The following AGPS variants were observed in gnomAD, a reference collection of about 807,000 sequenced individuals.
AGPS encodes the protein alkylglycerone phosphate synthase.
A neutral mutation model predicts 90.7 loss-of-function variants in AGPS; 26 were observed. The observed-to-expected ratio is 0.29, with a 90% CI of 0.21 to 0.40. The LOEUF is 0.40. Among genes scored for constraint, AGPS ranks in the 10% least tolerant of loss-of-function variants. The pLI is 1.00. For synonymous variants in AGPS, 294 were observed against 285.3 expected (o/e 1.03, Z -0.31); for missense variants, 540 against 816.1 (o/e 0.66, Z 4.12).
chr2:177,487,998 G>T (rs2105699963), intron 11 of AGPS, among the ~76,000 whole-genome samples: 1 of 152,134 alleles, frequency 6.6e-6, no homozygotes, highest in East Asian at 1.9e-4. Flanking sequence ...AAAATAAAAA[G>T]TTCTTATTGT....
chr2:177,451,233 G>A (rs901836475), intron 8 of AGPS, among the ~76,000 whole-genome samples: 6 of 151,886 alleles, frequency 4.0e-5, no homozygotes, highest in African/African-American at 9.7e-5. Flanking sequence ...TGGGATTATC[G>A]GTATGAGCCA....
intron 17 of AGPS, among the ~76,000 whole-genome samples, chr2:177,518,669 G>GC (rs1689093764): frequency 1.0e-5 from 1 of 99,528 alleles, no homozygotes; most frequent in Non-Finnish European, 1.9e-5. Context: ...TTTTCTGCCC[G>GC]CCCCCCACCC....
At chr2:177,430,760 A>G (rs1222708352) in intron 2 of AGPS, among the ~76,000 whole-genome samples, 1 of 152,102 alleles carries the variant, frequency 6.6e-6, no homozygotes, top group Admixed American at 6.5e-5. Flanking sequence ...ATTCTTCTCC[A>G]TGACAGCTGC....
At chr2:177,450,203 G>C (rs1173368978) in intron 8 of AGPS, among the ~76,000 whole-genome samples, 1 of 151,994 alleles carries the variant, frequency 6.6e-6, no homozygotes, top group Non-Finnish European at 1.5e-5. Context: ...TATTTATTCT[G>C]GGAATAAGTC....
intron 8 of AGPS, among the ~76,000 whole-genome samples, chr2:177,447,653 A>G (rs1686817630): frequency 6.6e-6 from 1 of 151,882 alleles, no homozygotes; most frequent in Non-Finnish European, 1.5e-5. Context: ...TATTTCCTTG[A>G]AATTTAAATG....
intron 2 of AGPS, among the ~76,000 whole-genome samples, chr2:177,425,589 C>T (rs1686056989): frequency 6.8e-6 from 1 of 146,856 alleles, no homozygotes; most frequent in Admixed American, 6.9e-5. Context: ...CCATTGCACT[C>T]CAGCCTGGGC....
chr2:177,535,012 T>G (rs2079171437), intron 19 of AGPS, among the ~76,000 whole-genome samples: 1 of 152,162 alleles, frequency 6.6e-6, no homozygotes, highest in East Asian at 1.9e-4. Context: ...AATTATGGAA[T>G]GCAAGGTACT....
chr2:177,501,656 T>G (rs1688564001), intron 14 of AGPS, among the ~76,000 whole-genome samples: 1 of 152,072 alleles, frequency 6.6e-6, no homozygotes, highest in South Asian at 2.1e-4. Context: ...GATTTTTTTG[T>G]TTGTTTGTTT....
In AGPS at chr2:177,503,791, ACT is replaced by A. The variant is rs145469138; in HGVS notation, c.1476-1712_1476-1711del. ...TGATTTCCTTGTAAAGCCCAGACTG[ACT>A]CTACTTCTTTGGGCTTATGAATTTA... is the stretch of plus-strand genomic sequence containing the variant. On this transcript the variant is annotated intron_variant, in intron 14 of 19. Coordinates refer to ENST00000264167, the MANE Select transcript of AGPS (RefSeq NM_003659.4). Among the ~76,000 whole-genome samples the A allele has an allele frequency of 4.0e-3, 612 of 151,934 alleles. 5 individuals are homozygous for A. The highest frequency in any genetic ancestry group is 0.032 in the East Asian group (167 of 5,172).
chr2:177,431,819 A>G (rs1686252784), intron 2 of AGPS, among the ~76,000 whole-genome samples: 2 of 152,166 alleles, frequency 1.3e-5, no homozygotes, highest in African/African-American at 4.8e-5. Context: ...CTGATTTCAT[A>G]TTGTTCAAAC....
intron 10 of AGPS, 37 bp downstream of exon 10, chr2:177,468,561 G>T: frequency 7.1e-7 from 1 of 1,405,118 alleles, no homozygotes; most frequent in Non-Finnish European, 1.0e-6. Flanking sequence ...AAAAAATACA[G>T]GTTAGTCATG....
chr2:177,470,797 A>G (rs1452685987), intron 10 of AGPS, among the ~76,000 whole-genome samples: 3 of 152,144 alleles, frequency 2.0e-5, no homozygotes, highest in Non-Finnish European at 2.9e-5. Flanking sequence ...ATTACAAAGT[A>G]CATGCAACAT....
At chr2:177,469,121 A>T (rs1035353466) in intron 10 of AGPS, among the ~76,000 whole-genome samples, 2 of 152,122 alleles carry the variant, frequency 1.3e-5, no homozygotes, top group Non-Finnish European at 1.5e-5. Flanking sequence ...ACCTTAAAAT[A>T]ATTATTATGT....
chr2:177,497,772 A>G lies in AGPS; in HGVS notation c.1362+7A>G. The G allele has an allele frequency of 7.1e-7, 1 of 1,409,834 alleles. No homozygotes were observed. 87.3% of individuals were successfully genotyped at this position (1,409,834 alleles called of 1,614,324 possible). A position where few individuals can be genotyped will look rare whatever the true frequency, so the allele number is the denominator to read the frequency against. ...AAAGTTTTATATTACAAAGGTAAGA[A>G]TTTTTATAAAATGCTAAAATTGTAA... On this transcript the variant is annotated splice_region_variant and intron_variant, in intron 13 of 19. Transcript: ENST00000264167.
rs983838260 is a variant in AGPS at position 177,540,833 on chromosome 2, A to T, written c.*2638A>T. On this transcript the variant is annotated 3_prime_UTR_variant, in exon 20 of 20. Coordinates refer to ENST00000264167, the MANE Select transcript of AGPS (RefSeq NM_003659.4). ...TAACTTGCCGCTAGTGAGAAATGGC[A>T]TTGAATACTAAAGACTCAATATGAA... The T allele has an allele frequency of 6.6e-6, 1 of 152,122 alleles. No homozygotes were observed. Among genetic ancestry groups the T allele is most frequent in the African/African-American group, 2.4e-5 (1 of 41,428 alleles). 9.4% of individuals were successfully genotyped at this position (152,122 alleles called of 1,614,324 possible). A position where few individuals can be genotyped will look rare whatever the true frequency, so the allele number is the denominator to read the frequency against.
At position 177,499,600 on chromosome 2, in the gene AGPS, A is replaced by AT. The variant is rs371154486; in HGVS notation, c.1363-5dup. 77,349 of 999,184 alleles carry AT rather than the reference A, an allele frequency of 0.077. No individual in the cohort carries two copies. The highest frequency in any genetic ancestry group is 0.084 in the Non-Finnish European group (59,415 of 710,724). 61.9% of individuals were successfully genotyped at this position (999,184 alleles called of 1,614,324 possible). On this transcript the variant is annotated splice_polypyrimidine_tract_variant and intron_variant, in intron 13 of 19. Coordinates refer to ENST00000264167, the MANE Select transcript of AGPS (RefSeq NM_003659.4). ...GGATAAGACTTATCTGTAATAATAA[A>AT]TTTTTTTTTTTTTGTAGTTTAAAGG... is the stretch of plus-strand genomic sequence containing the variant.
intron 11 of AGPS, among the ~76,000 whole-genome samples, chr2:177,490,360 A>G (rs1057354412): frequency 1.1e-4 from 17 of 152,326 alleles, no homozygotes; most frequent in Admixed American, 2.6e-4. Context: ...AGTTATGACA[A>G]TAACTGAAAA....
chr2:177,503,224 C>G (rs560854091), intron 14 of AGPS, among the ~76,000 whole-genome samples: 1 of 152,126 alleles, frequency 6.6e-6, no homozygotes, highest in Non-Finnish European at 1.5e-5. Flanking sequence ...AATAATCATA[C>G]TTTGATTGTT....
chr2:177,536,209 A>G (rs1208648586), intron 19 of AGPS, among the ~76,000 whole-genome samples: 2 of 152,236 alleles, frequency 1.3e-5, no homozygotes, highest in East Asian at 3.9e-4. Context: ...AATGTGCTCC[A>G]TCTTGTTGGA....
Sources: gnomAD v4.1 joint callset for allele counts (sites outside exome capture counted in the v4.1 genomes callset) on GRCh38, gnomAD v4.1.1 for gene constraint, MANE v1.5 for transcripts, NCBI Gene and HGNC (gene_info 2026-07-23, HGNC 2026-07-21) for gene names.